Variants in CYYR1 observed in about 807,000 individuals in gnomAD.
CYYR1 encodes cysteine and tyrosine-rich protein 1.
Under a neutral mutation model 15.2 loss-of-function variants are expected in CYYR1, and 14 were observed. The observed-to-expected ratio is 0.92, with a 90% CI of 0.61 to 1.44. The LOEUF (loss-of-function observed/expected upper bound fraction) is 1.44. CYYR1 is among the 40% of genes most tolerant of loss of function. CYYR1 has a pLI of 0.00. For missense variants in CYYR1, 228 were observed against 209.5 expected (o/e 1.09, Z -0.54); for synonymous variants, 80 against 77.4 (o/e 1.03, Z -0.18).
chr21:26,490,159 G>A (rs1458964995), intron 2 of CYYR1, among the ~76,000 whole-genome samples: 1 of 151,784 alleles, frequency 6.6e-6, no homozygotes, highest in Admixed American at 6.6e-5. Flanking sequence ...AAAATTAGCC[G>A]GTGTGTGACA....
intron 3 of CYYR1, among the ~76,000 whole-genome samples, chr21:26,476,595 T>C (rs2065107400): frequency 6.8e-6 from 1 of 147,106 alleles, no homozygotes; most frequent in Non-Finnish European, 1.5e-5. Context: ...CATCTATCTA[T>C]CTATCTATCT....
chr21:26,512,195 CT>C (rs1035341095), intron 2 of CYYR1, among the ~76,000 whole-genome samples: 4 of 151,734 alleles, frequency 2.6e-5, no homozygotes, highest in African/African-American at 9.7e-5. Flanking sequence ...TTCAGTCCCT[CT>C]TTTTTTATTT....
chr21:26,485,753 GTTGCTATAAAC>G (rs1173546230), intron 2 of CYYR1, among the ~76,000 whole-genome samples: 1 of 152,020 alleles, frequency 6.6e-6, no homozygotes, highest in Non-Finnish European at 1.5e-5. Context: ...GACAAATAAA[GTTGCTATAAAC>G]AATCATGTAC....
chr21:26,486,178 C>T (rs2065245284), intron 2 of CYYR1, among the ~76,000 whole-genome samples: 2 of 152,062 alleles, frequency 1.3e-5, no homozygotes, highest in African/African-American at 4.8e-5. Flanking sequence ...GAGTCCTTTA[C>T]AAAATATGTA....
chr21:26,537,854 G>C (rs1978320113), intron 2 of CYYR1, among the ~76,000 whole-genome samples: 1 of 152,032 alleles, frequency 6.6e-6, no homozygotes, highest in Admixed American at 6.6e-5. Context: ...TCAAAAAACT[G>C]CCTTATCCCT....
chr21:26,492,506 G>T (rs1569146016), intron 2 of CYYR1, among the ~76,000 whole-genome samples: 1 of 152,154 alleles, frequency 6.6e-6, no homozygotes, highest in Non-Finnish European at 1.5e-5. Flanking sequence ...GGCATTATTT[G>T]AATTCTAGGT....
At chr21:26,564,822 G>A in intron 2 of CYYR1, 1 of 1,245,500 alleles carries the variant, frequency 8.0e-7, no homozygotes, top group Non-Finnish European at 1.0e-6. Flanking sequence ...TGGGACAGCA[G>A]CATCTGGTAT....
intron 3 of CYYR1, among the ~76,000 whole-genome samples, chr21:26,469,501 A>G (rs1405199675): frequency 1.3e-5 from 2 of 152,174 alleles, no homozygotes; most frequent in South Asian, 4.1e-4. Context: ...TATTTTTTTG[A>G]ATTGACAAAT....
At chr21:26,485,270 G>T (rs1454700472) in intron 2 of CYYR1, among the ~76,000 whole-genome samples, 1 of 152,008 alleles carries the variant, frequency 6.6e-6, no homozygotes, top group African/African-American at 2.4e-5. Flanking sequence ...CCTTCACCCA[G>T]TTTCCCCAGA....
chr21:26,513,397 C>T (rs773770568), intron 2 of CYYR1, among the ~76,000 whole-genome samples: 5 of 152,168 alleles, frequency 3.3e-5, no homozygotes, highest in Non-Finnish European at 5.9e-5. Flanking sequence ...GGAGCCATGC[C>T]AACCCTCAAT....
At chr21:26,538,497 A>G (rs1004099548) in intron 2 of CYYR1, among the ~76,000 whole-genome samples, 13 of 152,044 alleles carry the variant, frequency 8.6e-5, no homozygotes, top group African/African-American at 3.1e-4. Flanking sequence ...TATTTTAATT[A>G]TGGTGTTTCT....
intron 2 of CYYR1, among the ~76,000 whole-genome samples, chr21:26,491,443 T>C (rs1234547918): frequency 1.3e-5 from 2 of 152,152 alleles, no homozygotes; most frequent in African/African-American, 4.8e-5. Flanking sequence ...CCTGAGAGCA[T>C]ATAAGACTTA....
Position 26,480,255 on chromosome 21 carries a change from T to G in CYYR1, c.334+17A>C, listed in dbSNP as rs761291811. The stretch of plus-strand genomic sequence containing the variant: ...ACTAGCAAATCTGAGCCTTCGAGAG[T>G]CAACAGTTTTGCTCACCAGGATAGG... On this transcript the variant is annotated intron_variant, in intron 3 of 3. Transcript: ENST00000652641. 5.6e-6 allele frequency: 9 copies of G among 1,594,298 alleles called. No individual in the cohort carries two copies. The highest frequency in any genetic ancestry group is 7.7e-6 in the Non-Finnish European group (9 of 1,171,152).
At chr21:26,510,865 T>A (rs997249551) in intron 2 of CYYR1, among the ~76,000 whole-genome samples, 4 of 152,224 alleles carry the variant, frequency 2.6e-5, no homozygotes, top group African/African-American at 9.6e-5. Context: ...CAAAGAAGTA[T>A]TATAAATAAC....
At chr21:26,489,803 C>G (rs1011343176) in intron 2 of CYYR1, among the ~76,000 whole-genome samples, 9 of 152,132 alleles carry the variant, frequency 5.9e-5, no homozygotes, top group African/African-American at 2.2e-4. Flanking sequence ...GCAGTATTGA[C>G]TCAGTAGTAC....
intron 2 of CYYR1, among the ~76,000 whole-genome samples, chr21:26,524,135 A>G (rs2065835022): frequency 6.6e-6 from 1 of 152,210 alleles, no homozygotes; most frequent in Non-Finnish European, 1.5e-5. Flanking sequence ...TGCTACATTT[A>G]AACATTTCAT....
intron 2 of CYYR1, among the ~76,000 whole-genome samples, chr21:26,516,771 T>C (rs2065732186): frequency 6.6e-6 from 1 of 152,174 alleles, no homozygotes; most frequent in Non-Finnish European, 1.5e-5. Context: ...AGCTAGCAAG[T>C]AATGAAAGGA....
chr21:26,567,115 A>C (rs1274076065), intron 1 of CYYR1, among the ~76,000 whole-genome samples: 2 of 152,168 alleles, frequency 1.3e-5, no homozygotes, highest in Non-Finnish European at 2.9e-5. Flanking sequence ...AAAAGGAATA[A>C]TTTCAAAATG....
intron 2 of CYYR1, among the ~76,000 whole-genome samples, chr21:26,497,409 A>G (rs1307058667): frequency 6.6e-6 from 1 of 152,220 alleles, no homozygotes; most frequent in Non-Finnish European, 1.5e-5. Context: ...ATTCTATAAG[A>G]AAGACAAGGT....
Sources: gnomAD v4.1 joint callset for allele counts (sites outside exome capture counted in the v4.1 genomes callset) on GRCh38, gnomAD v4.1.1 for gene constraint, MANE v1.5 for transcripts, NCBI Gene and HGNC (gene_info 2026-07-23, HGNC 2026-07-21) for gene names.